The following RAB33B variants were observed in gnomAD, a reference collection of about 807,000 sequenced individuals.
RAB33B encodes ras-related protein Rab-33B.
Under a neutral mutation model 15.0 loss-of-function variants are expected in RAB33B, and 6 were observed. The ratio of observed to expected loss-of-function variants is 0.40; its 90% confidence interval spans 0.22 to 0.79. The LOEUF (loss-of-function observed/expected upper bound fraction) is 0.79. RAB33B is among the 30% of genes least tolerant of loss of function. The pLI is 0.37. For synonymous variants in RAB33B, 117 were observed against 108.3 expected (o/e 1.08, Z -0.50); for missense variants, 257 against 296.4 (o/e 0.87, Z 0.98).
At chr4:139,465,721 T>TC (rs1491182492) in intron 1 of RAB33B, among the ~76,000 whole-genome samples, 2 of 124,644 alleles carry the variant, frequency 1.6e-5, no homozygotes, top group Non-Finnish European at 3.3e-5. Flanking sequence ...TTCTTCTTCT[T>TC]CTTTTTTTTT....
the RAB33B span, among the ~76,000 whole-genome samples, chr4:139,443,765 C>T: frequency 1.3e-5 from 2 of 152,142 alleles, no homozygotes; most frequent in East Asian, 1.9e-4. Context: ...ACAGCTTCCC[C>T]ATCCCGGGTA....
At chr4:139,449,203 TAAGTA>T (rs1172198086), upstream of RAB33B, 2 of 152,252 alleles carry the variant, frequency 1.3e-5, no homozygotes, top group Non-Finnish European at 2.9e-5. Flanking sequence ...TATCAGCATT[TAAGTA>T]TTGTTAACTT....
chr4:139,461,056 C>G (rs913334203), intron 1 of RAB33B, among the ~76,000 whole-genome samples: 1 of 152,172 alleles, frequency 6.6e-6, no homozygotes, highest in Admixed American at 6.5e-5. Context: ...TGTGAGGACT[C>G]TAAGCAAATT....
At position 139,474,416 on chromosome 4, in the gene RAB33B, C is replaced by G. The variant is rs1049478006; in HGVS notation, c.*1290C>G. ...ACCTATTCTTAGCCTTTACTAATTT[C>G]AAGCAGTGTATCCCATATGGTATCT... On this transcript the variant is annotated 3_prime_UTR_variant, in exon 2 of 2. Transcript: ENST00000305626. 1 of 152,206 alleles carries G rather than the reference C, an allele frequency of 6.6e-6. No individual in the cohort carries two copies. The highest frequency in any genetic ancestry group is 2.4e-5 in the African/African-American group (1 of 41,448). 9.4% of individuals were successfully genotyped at this position (152,206 alleles called of 1,614,324 possible). A position where few individuals can be genotyped will look rare whatever the true frequency, so the allele number is the denominator to read the frequency against.
intron 1 of RAB33B, among the ~76,000 whole-genome samples, chr4:139,459,806 TG>T (rs1750136517): frequency 6.6e-6 from 1 of 152,024 alleles, no homozygotes; most frequent in African/African-American, 2.4e-5. Flanking sequence ...GCTAATTTTT[TG>T]TATTTTAGTA....
At chr4:139,458,302 T>C (rs556410059) in intron 1 of RAB33B, among the ~76,000 whole-genome samples, 2 of 152,216 alleles carry the variant, frequency 1.3e-5, no homozygotes, top group African/African-American at 4.8e-5. Flanking sequence ...TTAACACGTT[T>C]ATTTTAGGTT....
chr4:139,472,405 A>G (rs1384966156), intron 1 of RAB33B, among the ~76,000 whole-genome samples: 1 of 152,222 alleles, frequency 6.6e-6, no homozygotes, highest in Non-Finnish European at 1.5e-5. Context: ...TTTAAAATAA[A>G]GTTTTGAGGT....
chr4:139,456,012 C>T (rs779714923), intron 1 of RAB33B, among the ~76,000 whole-genome samples: 13 of 152,204 alleles, frequency 8.5e-5, no homozygotes, highest in Non-Finnish European at 1.3e-4. Context: ...GGACCTTAGG[C>T]AGATTCTTTA....
chr4:139,448,295 TAGA>T (rs1279256034), upstream of RAB33B: 1 of 152,228 alleles, frequency 6.6e-6, no homozygotes. Context: ...GAATGGGTAG[TAGA>T]AGGCTAGTCA....
chr4:139,465,571 G>T (rs1044946995), intron 1 of RAB33B, among the ~76,000 whole-genome samples: 1 of 152,084 alleles, frequency 6.6e-6, no homozygotes, highest in Non-Finnish European at 1.5e-5. Flanking sequence ...TTTGTATAAG[G>T]TGTAAGGAAG....
chr4:139,461,643 A>G (rs535167697), intron 1 of RAB33B, among the ~76,000 whole-genome samples: 1 of 152,306 alleles, frequency 6.6e-6, no homozygotes, highest in Admixed American at 6.5e-5. Flanking sequence ...AAGAATAGGG[A>G]AAGAGGATGG....
intron 1 of RAB33B, among the ~76,000 whole-genome samples, chr4:139,457,158 C>G (rs1048969323): frequency 2.0e-5 from 3 of 152,134 alleles, no homozygotes; most frequent in African/African-American, 7.2e-5. Context: ...CTTTCAGAAT[C>G]CGTTAAAATG....
intron 1 of RAB33B, among the ~76,000 whole-genome samples, chr4:139,464,464 A>G (rs1750242082): frequency 7.0e-6 from 1 of 142,168 alleles, no homozygotes; most frequent in Admixed American, 7.8e-5. Flanking sequence ...ATATGTATAC[A>G]TGTGCCATGT....
chr4:139,459,677 A>C (rs1000699544), intron 1 of RAB33B, among the ~76,000 whole-genome samples: 1 of 147,138 alleles, frequency 6.8e-6, no homozygotes, highest in African/African-American at 2.5e-5. Flanking sequence ...TCTGTTGCCC[A>C]GGCTGGAGTG....
upstream of RAB33B, chr4:139,450,294 T>C (rs1749893900): frequency 6.6e-6 from 1 of 152,264 alleles, no homozygotes; most frequent in Admixed American, 6.5e-5. Context: ...CCTAGTATGA[T>C]GTCTGGGGTT....
At chr4:139,450,269 T>G, upstream of RAB33B, 1 of 152,234 alleles carries the variant, frequency 6.6e-6, no homozygotes, top group East Asian at 1.9e-4. Flanking sequence ...ACTATTTATA[T>G]ACTGAAATTA....
At position 139,475,879 on chromosome 4, in the gene RAB33B, C is replaced by T. The variant is rs1466553838; in HGVS notation, c.*2753C>T. On this transcript the variant is annotated 3_prime_UTR_variant, in exon 2 of 2. Coordinates refer to ENST00000305626, the MANE Select transcript of RAB33B (RefSeq NM_031296.3). ...GGAATAGTGTCACTGTTACATTTCC[C>T]CCATGAAGTTCAATAAACCAGCTTA... The T allele has an allele frequency of 6.6e-6, 1 of 152,064 alleles. No individual in the cohort carries two copies. The highest frequency in any genetic ancestry group is 2.4e-5 in the African/African-American group (1 of 41,388). 9.4% of individuals were successfully genotyped at this position (152,064 alleles called of 1,614,324 possible).
At chr4:139,442,465 A>T in the RAB33B span, among the ~76,000 whole-genome samples, 3 of 152,272 alleles carry the variant, frequency 2.0e-5, no homozygotes, top group South Asian at 6.2e-4. Flanking sequence ...TGTGTCTGTG[A>T]GGGTGTTGCC....
upstream of RAB33B, chr4:139,452,785 C>T (rs915947293): frequency 2.0e-4 from 31 of 152,158 alleles, no homozygotes; most frequent in Non-Finnish European, 8.8e-5. Flanking sequence ...ACTATATTTT[C>T]ATCTGATGGA....
Sources: allele counts gnomAD v4.1 joint callset (sites outside exome capture counted in the v4.1 genomes callset), GRCh38; gene constraint gnomAD v4.1.1; transcripts MANE v1.5; gene names NCBI Gene and HGNC (gene_info 2026-07-23, HGNC 2026-07-21).